Variants in THSD4 observed in about 807,000 individuals in gnomAD.
The protein encoded by THSD4 is thrombospondin type 1 domain containing 4.
In THSD4, 69 loss-of-function variants were observed where a neutral mutation model predicts 119.0. That is an observed-to-expected ratio of 0.58 (90% CI 0.48 to 0.71). THSD4 has a LOEUF of 0.71. Ranked by LOEUF, THSD4 falls within the 30% of genes least tolerant of loss-of-function variation. The probability of loss-of-function intolerance (pLI) is 0.00; values close to 1 mark genes in which losing one functional copy is unlikely to be tolerated. For synonymous variants in THSD4, 524 were observed against 540.4 expected (o/e 0.97, Z 0.42); for missense variants, 1,393 against 1,391.1 (o/e 1.00, Z -0.02).
intron 7 of THSD4, among the ~76,000 whole-genome samples, chr15:71,584,138 C>G (rs998211384): frequency 6.6e-6 from 1 of 151,508 alleles, no homozygotes; most frequent in Non-Finnish European, 1.5e-5. Flanking sequence ...TGAATTGATT[C>G]CTTTATCATC....
intron 6 of THSD4, among the ~76,000 whole-genome samples, chr15:71,262,044 T>C (rs2044406318): frequency 6.6e-6 from 1 of 152,102 alleles, no homozygotes; most frequent in Non-Finnish European, 1.5e-5. Context: ...TACGGCTGGA[T>C]TTTGCATCGG....
At chr15:71,379,493 C>T (rs1007655849) in intron 6 of THSD4, among the ~76,000 whole-genome samples, 23 of 108,782 alleles carry the variant, frequency 2.1e-4, no homozygotes, top group African/African-American at 7.6e-4. Flanking sequence ...GAGTCTTGCT[C>T]TATCGCCCAG....
chr15:71,656,082 A>T (rs2051185263), intron 7 of THSD4, among the ~76,000 whole-genome samples: 1 of 152,240 alleles, frequency 6.6e-6, no homozygotes, highest in South Asian at 2.1e-4. Context: ...CCTAATGATT[A>T]TACAGCTGTG....
rs553878642 is a variant in THSD4, at chr15:71,720,981, A to G, written c.1358-7568A>G. Among the ~76,000 whole-genome samples, 9 of 152,346 alleles carry G rather than the reference A, an allele frequency of 5.9e-5. No homozygotes were observed. The South Asian group carries it at 1.9e-3, about 32-fold the overall frequency. On this transcript the variant is annotated intron_variant, in intron 8 of 17. Coordinates refer to ENST00000261862, the MANE Select transcript of THSD4 (RefSeq NM_024817.3). The stretch of plus-strand genomic sequence containing the variant: ...CTCAAAGAAGGAAACAAACATTTAG[A>G]TCATAGTCATGTGTCTCCTGTAAGG...
In THSD4 at chr15:71,760,135, C is replaced by T. The variant is rs180748795; in HGVS notation, c.2589+2060C>T. On this transcript the variant is annotated intron_variant, in intron 15 of 17. Transcript: ENST00000261862. ...GAAAGTTGGTATTTCGAATACCCCA[C>T]CAGCCTGGTCACAGTGATTAGTCCA... Among the ~76,000 whole-genome samples, 222 of 152,306 alleles carry T rather than the reference C, an allele frequency of 1.5e-3. 1 individual carries two copies. The Middle Eastern group carries it at 0.024, about 16-fold the overall frequency.
Position 71,141,537 on chromosome 15 carries a change from C to A in THSD4, c.10C>A (p.His4Asn). The change falls in exon 2 of 18, where the codon CAT becomes AAT. Residue 4 changes from histidine (H) to asparagine (N), a missense_variant. Coordinates refer to ENST00000261862, the MANE Select transcript of THSD4 (RefSeq NM_024817.3). ...CTGGACCCCCAGCATCATGGTTTCC[C>A]ATTTCATGGGGTCTCTCAGGTAAGT... MVS[H>N]FMGSLSVLCF... The A allele has an allele frequency of 6.2e-7, 1 of 1,609,942 alleles. No homozygotes were observed.
chr15:71,467,435 A>G (rs900339112), intron 7 of THSD4, among the ~76,000 whole-genome samples: 1 of 152,236 alleles, frequency 6.6e-6, no homozygotes, highest in Non-Finnish European at 1.5e-5. Flanking sequence ...GTGGACAGTC[A>G]TGGAGAAATA....
At chr15:71,249,040 G>A (rs773412335) in intron 5 of THSD4, among the ~76,000 whole-genome samples, 6 of 152,018 alleles carry the variant, frequency 3.9e-5, no homozygotes, top group Non-Finnish European at 8.8e-5. Context: ...TGCAGCATTT[G>A]TCTTTCTGTC....
In THSD4 at chr15:71,782,353, A is replaced by G. The variant is rs148186079; in HGVS notation, c.*4979A>G. The G allele has an allele frequency of 6.6e-6, 1 of 152,336 alleles. No homozygotes were observed. The highest frequency in any genetic ancestry group is 2.4e-5 in the African/African-American group (1 of 41,560). 9.4% of individuals were successfully genotyped at this position (152,336 alleles called of 1,614,324 possible). On this transcript the variant is annotated 3_prime_UTR_variant, in exon 18 of 18. Coordinates refer to ENST00000261862, the MANE Select transcript of THSD4 (RefSeq NM_024817.3). ...TCTTGCGAGAGGGAAGCCACCTGCT[A>G]TACAAACTAATACCCCCTGCCTTGA...
intron 6 of THSD4, among the ~76,000 whole-genome samples, chr15:71,337,011 A>G (rs980580912): frequency 6.6e-6 from 1 of 152,012 alleles, no homozygotes; most frequent in Non-Finnish European, 1.5e-5. Context: ...TCAGAGAGAG[A>G]GGGGAGAGGG....
At chr15:71,616,071 G>A (rs888271589) in intron 7 of THSD4, among the ~76,000 whole-genome samples, 4 of 152,090 alleles carry the variant, frequency 2.6e-5, no homozygotes, top group South Asian at 2.1e-4. Flanking sequence ...TTGAAAAACT[G>A]TAAGACTAAA....
At chr15:71,283,106 A>T (rs2044675360) in intron 6 of THSD4, among the ~76,000 whole-genome samples, 1 of 151,648 alleles carries the variant, frequency 6.6e-6, no homozygotes, top group Admixed American at 6.6e-5. Flanking sequence ...AGTAGCTGGG[A>T]CTACAGGCGC....
intron 6 of THSD4, among the ~76,000 whole-genome samples, chr15:71,278,125 A>G (rs1421227357): frequency 2.6e-5 from 4 of 152,238 alleles, no homozygotes; most frequent in Non-Finnish European, 5.9e-5. Flanking sequence ...CAGAAATAAA[A>G]CAGGGAGAAG....
At chr15:71,266,584 G>A (rs1295187941) in intron 6 of THSD4, among the ~76,000 whole-genome samples, 1 of 151,950 alleles carries the variant, frequency 6.6e-6, no homozygotes, top group African/African-American at 2.4e-5. Context: ...TTGCCAGCAA[G>A]GGAACAAAAC....
At chr15:71,695,778 C>G (rs2052153951) in intron 8 of THSD4, among the ~76,000 whole-genome samples, 1 of 152,160 alleles carries the variant, frequency 6.6e-6, no homozygotes, top group Non-Finnish European at 1.5e-5. Flanking sequence ...CAAATCTTGA[C>G]TCTTCCTCAT....
chr15:71,522,166 G>A (rs988085282), intron 7 of THSD4, among the ~76,000 whole-genome samples: 1 of 152,156 alleles, frequency 6.6e-6, no homozygotes, highest in Middle Eastern at 3.2e-3. Context: ...CCACCTACCT[G>A]GAAAATGGCA....
intron 4 of THSD4, among the ~76,000 whole-genome samples, chr15:71,231,201 GAGA>G (rs2044057808): frequency 1.3e-5 from 2 of 152,222 alleles, no homozygotes. Context: ...CTTAGAAGAA[GAGA>G]AGCCACCTGA....
At chr15:71,497,668 G>A (rs2048045363) in intron 7 of THSD4, among the ~76,000 whole-genome samples, 1 of 152,064 alleles carries the variant, frequency 6.6e-6, no homozygotes, top group Non-Finnish European at 1.5e-5. Flanking sequence ...TTTTAAGAAC[G>A]ACTTTCCCTG....
chr15:71,674,048 A>G (rs1475726527), intron 8 of THSD4, among the ~76,000 whole-genome samples: 2 of 152,242 alleles, frequency 1.3e-5, no homozygotes, highest in African/African-American at 4.8e-5. Flanking sequence ...AAAAAGAGAA[A>G]GAAAAGTAGA....
Sources: gnomAD v4.1 joint callset for allele counts (sites outside exome capture counted in the v4.1 genomes callset) on GRCh38, gnomAD v4.1.1 for gene constraint, MANE v1.5 for transcripts, NCBI Gene and HGNC (gene_info 2026-07-23, HGNC 2026-07-21) for gene names.